Variants in KCNA10 observed in about 807,000 individuals in gnomAD.
KCNA10 encodes the protein potassium voltage-gated channel subfamily A member 10.
In KCNA10, 16 loss-of-function variants were observed where a neutral mutation model predicts 21.4. The observed-to-expected ratio is 0.75, with a 90% CI of 0.51 to 1.14. The LOEUF is 1.14. Ranked by LOEUF, KCNA10 falls within the 50% of genes most tolerant of loss-of-function variation. The pLI is 0.00. For missense variants in KCNA10, 677 were observed against 649.1 expected, an observed-to-expected ratio of 1.04 and a Z score of -0.47; for synonymous variants, 276 against 245.9, an observed-to-expected ratio of 1.12 and a Z score of -1.15.
Position 110,517,702 on chromosome 1 carries a change from C to T in KCNA10, c.1086G>A (p.Gln362=), listed in dbSNP as rs147012018. The T allele has an allele frequency of 9.3e-6, 15 of 1,614,096 alleles. No homozygotes were observed. The African/African-American group carries it at 2.0e-4, about 22-fold the overall frequency. The change falls in exon 1 of 1, where the codon CAG becomes CAA. Residue 362 remains glutamine, a synonymous_variant. Transcript: ENST00000369771. Reference sequence around the variant, plus strand: ...ACGCCTTCAGTGTTTGCCCGAGGATCTGCAGCCCCTTGGAGTGGCGCGAGA... The same window carrying T: ...ACGCCTTCAGTGTTTGCCCGAGGATTTGCAGCCCCTTGGAGTGGCGCGAGA... The part of the protein sequence containing the change: ...FKLSRHSKGL[Q]ILGQTLKASM...
At position 110,518,095 on chromosome 1, in the gene KCNA10, G is replaced by A; in HGVS notation, c.693C>T (p.Thr231=). ...CTGGCAGTGTCTCCAGGCAGAAGAT[G>A]GTGATGGAGATGACCACAACCAACA... ...VSVLVVVISI[T]IFCLETLPEF... The change falls in exon 1 of 1, where the codon ACC becomes ACT. Residue 231 remains threonine (T), a synonymous_variant. Coordinates refer to ENST00000369771, the MANE Select transcript of KCNA10 (RefSeq NM_005549.2). 6.2e-7 allele frequency: 1 copy of A among 1,613,636 alleles called. No homozygotes were observed. The highest frequency in any genetic ancestry group is 8.5e-7 in the Non-Finnish European group (1 of 1,179,894).
rs1647260155 is a variant in KCNA10 at position 110,517,781 on chromosome 1, G to C, written c.1007C>G (p.Ser336Cys). 1 of 1,614,050 alleles carries C rather than the reference G, an allele frequency of 6.2e-7. No homozygotes were observed. Among genetic ancestry groups the C allele is most frequent in the South Asian group, 1.1e-5 (1 of 91,070 alleles). ...ETEPSAQQNM[S>C]LAILRIIRLV... is the part of the protein sequence containing the mutation. ...GCGGATGATCCTCAGGATGGCCAGG[G>C]ACATGTTCTGTTGGGCACTCGGCTC... is the stretch of plus-strand genomic sequence containing the variant. The change falls in exon 1 of 1, where the codon TCC becomes TGC. Residue 336 changes from serine (S) to cysteine (C), a missense_variant. Transcript: ENST00000369771.
chr1:110,517,484 T>C lies in KCNA10; in HGVS notation c.1304A>G (p.Lys435Arg), dbSNP rs1647245269. 4 of 1,614,130 alleles carry C rather than the reference T, an allele frequency of 2.5e-6. No homozygotes were observed. The highest frequency in any genetic ancestry group is 3.4e-6 in the Non-Finnish European group (4 of 1,179,992). The stretch of plus-strand genomic sequence containing the variant: ...AATGGCACACAGAGTGCCCACAATC[T>C]TCCCCCCTGGGGTGGTCGGGCACAT... ...GDMCPTTPGG[K>R]IVGTLCAIAG... Residue 435 changes from lysine (K) to arginine (R), a missense_variant, in exon 1 of 1, where the codon AAG (lysine) becomes AGG (arginine). Physicochemically the swap from Lys to Arg is conservative, Grantham distance 26. Coordinates refer to ENST00000369771, the MANE Select transcript of KCNA10 (RefSeq NM_005549.2).
In KCNA10 at chr1:110,517,392, G is replaced by T. The variant is rs757965548; in HGVS notation, c.1396C>A (p.Arg466=). ...TGCTTTTCTTCATTCTCAGTCTCCC[G>T]GTGGTAGAAGTAATTGAAGTTGGAG... ...IVSNFNYFYH[R]ETENEEKQNI... is the part of the protein sequence containing the mutation. Residue 466 remains arginine, a synonymous_variant, in exon 1 of 1, where the codon CGG becomes AGG. Transcript: ENST00000369771. 9.3e-6 allele frequency: 15 copies of T among 1,614,046 alleles called. No homozygotes were observed. Among genetic ancestry groups the T allele is most frequent in the African/African-American group, 4.0e-5 (3 of 74,912 alleles).
Position 110,517,865 on chromosome 1 carries a change from T to A in KCNA10, c.923A>T (p.Asp308Val), listed in dbSNP as rs1161914230. ...DFFRNIMNII[D>V]IISIIPYFAT... is the part of the protein sequence containing the mutation. ...AAAGTAGGGGATAATGGAGATGATG[T>A]CAATGATGTTCATGATGTTCCTGAA... is the stretch of plus-strand genomic sequence containing the variant. Residue 308 changes from aspartate (D) to valine (V), a missense_variant, in exon 1 of 1, where the codon GAC becomes GTC. Coordinates refer to ENST00000369771, the MANE Select transcript of KCNA10 (RefSeq NM_005549.2). 1.2e-6 allele frequency: 2 copies of A among 1,613,938 alleles called. No homozygotes were observed. The highest frequency in any genetic ancestry group is 4.5e-5 in the East Asian group (2 of 44,872).
chr1:110,517,656 G>T lies in KCNA10; in HGVS notation c.1132C>A (p.Leu378Ile), dbSNP rs1447710123. 6.2e-7 allele frequency: 1 copy of T among 1,614,086 alleles called. No homozygotes were observed. Among genetic ancestry groups the T allele is most frequent in the Admixed American group, 1.7e-5 (1 of 60,020 alleles). Residue 378 changes from leucine (L) to isoleucine (I), a missense_variant, in exon 1 of 1, where the codon CTC (leucine) becomes ATC (isoleucine). Transcript: ENST00000369771. ...ACTCCAATGAAGAGAAAGAAGATGA[G>T]CAACCCCAACTCCCGCATGGACGCC... The part of the protein sequence containing the change: ...LKASMRELGL[L>I]IFFLFIGVIL...
In KCNA10 at chr1:110,517,648, G is replaced by T. The variant is rs1200114472; in HGVS notation, c.1140C>A (p.Phe380Leu). The T allele has an allele frequency of 1.2e-6, 2 of 1,614,056 alleles. No homozygotes were observed. The highest frequency in any genetic ancestry group is 1.7e-6 in the Non-Finnish European group (2 of 1,180,034). Residue 380 changes from phenylalanine (F) to leucine (L), a missense_variant, in exon 1 of 1, where the codon TTC (phenylalanine) becomes TTA (leucine). By Grantham distance (22) the Phe-to-Leu change is conservative (BLOSUM62 0). Coordinates refer to ENST00000369771, the MANE Select transcript of KCNA10 (RefSeq NM_005549.2). ...ASMRELGLLIFFLFIGVILFS... is the reference protein window; with the variant it reads ...ASMRELGLLILFLFIGVILFS... ...AGAGGATGACTCCAATGAAGAGAAA[G>T]AAGATGAGCAACCCCAACTCCCGCA... is the stretch of plus-strand genomic sequence containing the variant.
In KCNA10 at chr1:110,518,527, C is replaced by T. The variant is rs530499570; in HGVS notation, c.261G>A (p.Arg87=). 1.1e-5 allele frequency: 18 copies of T among 1,614,180 alleles called. No homozygotes were observed. Among genetic ancestry groups the T allele is most frequent in the Non-Finnish European group, 1.5e-5 (18 of 1,180,038 alleles). Residue 87 remains arginine (R), a synonymous_variant, in exon 1 of 1, where the codon CGG becomes CGA. Coordinates refer to ENST00000369771, the MANE Select transcript of KCNA10 (RefSeq NM_005549.2). The part of the protein sequence containing the change: ...EPVVLNEGNQ[R]VIINIAGLRF... Reference sequence around the variant, plus strand: ...TCAGCCCAGCAATGTTGATGATCACCCGCTGGTTTCCTTCATTTAGGACCA... The same window carrying T: ...TCAGCCCAGCAATGTTGATGATCACTCGCTGGTTTCCTTCATTTAGGACCA...
chr1:110,518,734 A>G lies in KCNA10; in HGVS notation c.54T>C (p.Asn18=). Residue 18 remains asparagine (N), a synonymous_variant, in exon 1 of 1, where the codon AAT becomes AAC. Transcript: ENST00000369771. ...EMEVALVNFD[N]SDEIQEEPGY... ...CTGGCTCTTCTTGGATTTCATCTGA[A>G]TTATCAAAATTGACCAGCGCAACCT... 6.2e-7 allele frequency: 1 copy of G among 1,609,532 alleles called. No individual in the cohort carries two copies. The highest frequency in any genetic ancestry group is 1.3e-5 in the African/African-American group (1 of 74,852).
In KCNA10 at chr1:110,517,564, A is replaced by G; in HGVS notation, c.1224T>C (p.Ile408=). 6.2e-7 allele frequency: 1 copy of G among 1,614,194 alleles called. No homozygotes were observed. Among genetic ancestry groups the G allele is most frequent in the African/African-American group, 1.3e-5 (1 of 75,040 alleles). The change falls in exon 1 of 1, where the codon ATT becomes ATC. Residue 408 remains isoleucine, a synonymous_variant. Transcript: ENST00000369771. ...CCACTGCCCACCAGAAGCCATCAGG[A>G]ATGCTAGAGAAATGGGACTCTGGCT... is the stretch of plus-strand genomic sequence containing the variant. ...VDEPESHFSS[I]PDGFWWAVVT... is the part of the protein sequence containing the mutation.
In KCNA10 at chr1:110,518,552, A is replaced by G. The variant is rs1647295096; in HGVS notation, c.236T>C (p.Val79Ala). 2.5e-6 allele frequency: 4 copies of G among 1,614,144 alleles called. No homozygotes were observed. Among genetic ancestry groups the G allele is most frequent in the Non-Finnish European group, 3.4e-6 (4 of 1,180,036 alleles). The change falls in exon 1 of 1, where the codon GTG becomes GCG. Residue 79 changes from valine (V) to alanine (A), a missense_variant. By Grantham distance (64) the Val-to-Ala change is moderately conservative (BLOSUM62 0). Transcript: ENST00000369771. ...CCGCTGGTTTCCTTCATTTAGGACCACTGGCTCAGGCCCTGGGGGGTCAGC... is the reference window on the plus strand; with the variant it reads ...CCGCTGGTTTCCTTCATTTAGGACCGCTGGCTCAGGCCCTGGGGGGTCAGC... ...DYADPPGPEP[V>A]VLNEGNQRVI...
Position 110,517,712 on chromosome 1 carries a change from T to A in KCNA10, c.1076A>T (p.Lys359Met). ...FRIFKLSRHSKGLQILGQTLK... is the reference protein window; with the variant it reads ...FRIFKLSRHSMGLQILGQTLK... Reference sequence around the variant, plus strand: ...TGTTTGCCCGAGGATCTGCAGCCCCTTGGAGTGGCGCGAGAGCTTGAAGAT... The same window carrying A: ...TGTTTGCCCGAGGATCTGCAGCCCCATGGAGTGGCGCGAGAGCTTGAAGAT... Residue 359 changes from lysine (K) to methionine (M), a missense_variant, in exon 1 of 1, where the codon AAG becomes ATG. Coordinates refer to ENST00000369771, the MANE Select transcript of KCNA10 (RefSeq NM_005549.2). 1 of 1,614,114 alleles carries A rather than the reference T, an allele frequency of 6.2e-7. No individual in the cohort carries two copies. Among genetic ancestry groups the A allele is most frequent in the Non-Finnish European group, 8.5e-7 (1 of 1,180,022 alleles).
chr1:110,517,502 G>T lies in KCNA10; in HGVS notation c.1286C>A (p.Pro429Gln), dbSNP rs138028628. The change falls in exon 1 of 1, where the codon CCG (proline) becomes CAG (glutamine). Residue 429 changes from proline to glutamine, a missense_variant. Transcript: ENST00000369771. ...MTTVGYGDMC[P>Q]TTPGGKIVGT... ...CACAATCTTCCCCCCTGGGGTGGTC[G>T]GGCACATGTCCCCATAGCCTACAGT... 3.7e-6 allele frequency: 6 copies of T among 1,614,108 alleles called. No homozygotes were observed. The highest frequency in any genetic ancestry group is 5.1e-6 in the Non-Finnish European group (6 of 1,180,010).
chr1:110,517,720 G>T lies in KCNA10; in HGVS notation c.1068C>A (p.Arg356=), dbSNP rs1647259020. 1.9e-6 allele frequency: 3 copies of T among 1,614,224 alleles called. No homozygotes were observed. The highest frequency in any genetic ancestry group is 1.6e-4 in the Middle Eastern group (1 of 6,062). Residue 356 remains arginine, a synonymous_variant, in exon 1 of 1, where the codon CGC becomes CGA. Coordinates refer to ENST00000369771, the MANE Select transcript of KCNA10 (RefSeq NM_005549.2). ...CGAGGATCTGCAGCCCCTTGGAGTG[G>T]CGCGAGAGCTTGAAGATGCGGAAGA... ...VRVFRIFKLS[R]HSKGLQILGQ... is the part of the protein sequence containing the mutation.
In KCNA10 at chr1:110,517,962, A is replaced by T. The variant is rs1392827113; in HGVS notation, c.826T>A (p.Ser276Thr). ...MFTDPFFMVE[S>T]TCIVWFTFEL... is the part of the protein sequence containing the mutation. Reference sequence around the variant, plus strand: ...AAGGTGAACCACACGATGCAGGTAGACTCCACCATGAAGAAAGGGTCGGTG... The same window carrying T: ...AAGGTGAACCACACGATGCAGGTAGTCTCCACCATGAAGAAAGGGTCGGTG... The change falls in exon 1 of 1, where the codon TCT (serine) becomes ACT (threonine). Residue 276 changes from serine (S) to threonine (T), a missense_variant. Transcript: ENST00000369771. The T allele has an allele frequency of 8.7e-6, 14 of 1,613,512 alleles. No individual in the cohort carries two copies. The highest frequency in any genetic ancestry group is 1.2e-5 in the Non-Finnish European group (14 of 1,179,958).
Position 110,517,771 on chromosome 1 carries a change from G to A in KCNA10, c.1017C>T (p.Ile339=), listed in dbSNP as rs148047410. ...CCCTCACCAGGCGGATGATCCTCAG[G>A]ATGGCCAGGGACATGTTCTGTTGGG... is the stretch of plus-strand genomic sequence containing the variant. ...PSAQQNMSLA[I]LRIIRLVRVF... is the part of the protein sequence containing the mutation. Residue 339 remains isoleucine (I), a synonymous_variant, in exon 1 of 1, where the codon ATC becomes ATT. Transcript: ENST00000369771. The A allele has an allele frequency of 7.4e-6, 12 of 1,614,160 alleles. No homozygotes were observed. Among genetic ancestry groups the A allele is most frequent in the Non-Finnish European group, 1.0e-5 (12 of 1,180,032 alleles).
In KCNA10 at chr1:110,518,699, GTGGCATAGCC is replaced by G. The variant is rs774944296; in HGVS notation, c.79_88del (p.Gly27GlnfsTer52). On this transcript the variant is annotated frameshift_variant, in exon 1 of 1. Coordinates refer to ENST00000369771, the MANE Select transcript of KCNA10 (RefSeq NM_005549.2). LOFTEE classifies it high-confidence loss of function. Reference sequence around the variant, plus strand: ...TTTTGGGCTGGTTGAGTCGAAGTCTGTGGCATAGCCTGGCTCTTCTTGGATTTCATCTGAA... The same window carrying G: ...TTTTGGGCTGGTTGAGTCGAAGTCTGTGGCTCTTCTTGGATTTCATCTGAA... 1.2e-6 allele frequency: 2 copies of G among 1,614,118 alleles called. No homozygotes were observed. Among genetic ancestry groups the G allele is most frequent in the Admixed American group, 3.3e-5 (2 of 60,010 alleles).
In KCNA10 at chr1:110,517,594, C is replaced by A. The variant is rs1398414763; in HGVS notation, c.1194G>T (p.Val398=). ...TAGAGAAATGGGACTCTGGCTCATC[C>A]ACCTCAGCAAAGTAGACTGCACTGG... ...LFSSAVYFAE[V]DEPESHFSSI... The change falls in exon 1 of 1, where the codon GTG becomes GTT. Residue 398 remains valine, a synonymous_variant. Coordinates refer to ENST00000369771, the MANE Select transcript of KCNA10 (RefSeq NM_005549.2). 1 of 1,614,052 alleles carries A rather than the reference C, an allele frequency of 6.2e-7. No individual in the cohort carries two copies. The highest frequency in any genetic ancestry group is 1.3e-5 in the African/African-American group (1 of 74,892).
At position 110,517,319 on chromosome 1, in the gene KCNA10, C is replaced by G; in HGVS notation, c.1469G>C (p.Arg490Thr). Residue 490 changes from arginine to threonine, a missense_variant, in exon 1 of 1, where the codon AGA becomes ACA. By Grantham distance (71) the Arg-to-Thr change is moderately conservative (BLOSUM62 -1). Transcript: ENST00000369771. ...ATTAAGAGAGTCTGTGCTGCCCATT[C>G]TTGAGCCTACACTGTTGAGGATTCT... ...IERILNSVGS[R>T]MGSTDSLNKT... The G allele has an allele frequency of 5.6e-6, 9 of 1,614,204 alleles. No homozygotes were observed. The highest frequency in any genetic ancestry group is 7.6e-6 in the Non-Finnish European group (9 of 1,180,038).
Sources: gnomAD v4.1 joint callset for allele counts on GRCh38, gnomAD v4.1.1 for gene constraint, MANE v1.5 for transcripts, NCBI Gene and HGNC (gene_info 2026-07-23, HGNC 2026-07-21) for gene names.